VWC2: variants seen among roughly 807,000 people sequenced by gnomAD.
VWC2 encodes the protein von Willebrand factor C domain containing 2, also known as brorin.
In VWC2, 14 loss-of-function variants were observed where a neutral mutation model predicts 29.8. The observed-to-expected ratio is 0.47, with a 90% CI of 0.31 to 0.74. VWC2 has a LOEUF of 0.74. Among genes scored for constraint, VWC2 ranks in the 30% least tolerant of loss-of-function variants. The pLI is 0.05. For missense variants in VWC2, 457 were observed against 459.8 expected (o/e 0.99, Z 0.05); for synonymous variants, 213 against 199.0 (o/e 1.07, Z -0.59).
chr7:49,839,858 G>T lies in VWC2; in HGVS notation c.826+37018G>T, dbSNP rs182151510. On this transcript the variant is annotated intron_variant, in intron 3 of 3. Coordinates refer to ENST00000340652, the MANE Select transcript of VWC2 (RefSeq NM_198570.5). ...ACGTCCCATGTCTCTAGAGCCTAAA[G>T]TTAGAAGCATTCAAAGAAGATCTGG... Among the ~76,000 whole-genome samples the T allele has an allele frequency of 2.5e-3, 379 of 152,364 alleles. 1 individual carries two copies. Among genetic ancestry groups the T allele is most frequent in the Middle Eastern group, 6.8e-3 (2 of 294 alleles).
intron 3 of VWC2, among the ~76,000 whole-genome samples, chr7:49,806,118 A>G (rs1380266730): frequency 6.6e-6 from 1 of 150,918 alleles, no homozygotes; most frequent in Non-Finnish European, 1.5e-5. Flanking sequence ...AATGATACAA[A>G]CAGTGAGTGT....
In VWC2 at chr7:49,854,979, T is replaced by A. The variant is rs143359908; in HGVS notation, c.826+52139T>A. ...ACAAATATGGCTTTTGTCATAAGAG[T>A]AGTGCCAAGCTTCCTGAAAATGCAA... On this transcript the variant is annotated intron_variant, in intron 3 of 3. Transcript: ENST00000340652. Among the ~76,000 whole-genome samples the A allele has an allele frequency of 5.5e-3, 830 of 152,210 alleles. 6 individuals are homozygous for A. Among genetic ancestry groups the A allele is most frequent in the African/African-American group, 0.018 (763 of 41,538 alleles).
chr7:49,845,381 G>A (rs987150713), intron 3 of VWC2, among the ~76,000 whole-genome samples: 8 of 152,082 alleles, frequency 5.3e-5, no homozygotes, highest in African/African-American at 1.9e-4. Context: ...TAGAAACTTA[G>A]ATTTTCACAC....
At chr7:49,836,821 A>T (rs1789677913) in intron 3 of VWC2, among the ~76,000 whole-genome samples, 2 of 152,162 alleles carry the variant, frequency 1.3e-5, no homozygotes, top group Admixed American at 1.3e-4. Context: ...TTGTAGATAT[A>T]TGTAGATTGG....
At chr7:49,855,240 C>A (rs965670853) in intron 3 of VWC2, among the ~76,000 whole-genome samples, 2 of 152,152 alleles carry the variant, frequency 1.3e-5, no homozygotes, top group African/African-American at 4.8e-5. Flanking sequence ...ATATGTTTTA[C>A]AATAAATGGT....
intron 3 of VWC2, among the ~76,000 whole-genome samples, chr7:49,826,039 A>T (rs1280475798): frequency 6.6e-6 from 1 of 152,194 alleles, no homozygotes; most frequent in African/African-American, 2.4e-5. Flanking sequence ...CTCCAGTAGA[A>T]AGAAAGGGTT....
intron 2 of VWC2, among the ~76,000 whole-genome samples, chr7:49,788,680 T>C (rs1428201585): frequency 8.7e-6 from 1 of 114,762 alleles, no homozygotes; most frequent in Admixed American, 9.0e-5. Context: ...TCTGTGAGTG[T>C]GGGTGTGTGA....
intron 3 of VWC2, among the ~76,000 whole-genome samples, chr7:49,881,391 T>C (rs1029791866): frequency 7.2e-5 from 11 of 152,198 alleles, no homozygotes; most frequent in African/African-American, 2.2e-4. Context: ...TTTGTGGTCA[T>C]AGGGGAGTCT....
At chr7:49,880,770 A>G (rs1012378611) in intron 3 of VWC2, among the ~76,000 whole-genome samples, 2 of 152,080 alleles carry the variant, frequency 1.3e-5, no homozygotes, top group African/African-American at 4.8e-5. Flanking sequence ...AACATGGCAC[A>G]TGTATACATA....
At position 49,871,696 on chromosome 7, in the gene VWC2, G is replaced by A. The variant is rs568095889; in HGVS notation, c.827-40338G>A. Among the ~76,000 whole-genome samples the A allele has an allele frequency of 4.6e-5, 7 of 152,168 alleles. No homozygotes were observed. The South Asian group carries it at 1.5e-3, about 32-fold the overall frequency. ...GATGATACTGTTGTTCTGTGCAAAT[G>A]TTGGGCAGGGGATTTAGATCAGGTA... On this transcript the variant is annotated intron_variant, in intron 3 of 3. Coordinates refer to ENST00000340652, the MANE Select transcript of VWC2 (RefSeq NM_198570.5).
At chr7:49,831,081 T>G (rs1789515237) in intron 3 of VWC2, among the ~76,000 whole-genome samples, 1 of 152,190 alleles carries the variant, frequency 6.6e-6, no homozygotes, top group Admixed American at 6.5e-5. Context: ...CGTGCTTGTC[T>G]GCATCTAAGG....
At position 49,802,594 on chromosome 7, in the gene VWC2, C is replaced by T. The variant is rs948277941; in HGVS notation, c.697-117C>T. The T allele has an allele frequency of 4.0e-5, 55 of 1,385,616 alleles. No homozygotes were observed. In the Admixed American group the frequency reaches 5.5e-4, roughly 14 times the overall value. The allele number at this position is 1,385,616 out of a possible 1,614,324, so 85.8% of individuals were successfully genotyped here. A position where few individuals can be genotyped will look rare whatever the true frequency, so the allele number is the denominator to read the frequency against. On this transcript the variant is annotated intron_variant, in intron 2 of 3. Coordinates refer to ENST00000340652, the MANE Select transcript of VWC2 (RefSeq NM_198570.5). Reference sequence around the variant, plus strand: ...CAGAGGTTGCGGTGAGCCGAGATCGCACCACTGCACTCCAGTGTGAGCGAC... The same window carrying T: ...CAGAGGTTGCGGTGAGCCGAGATCGTACCACTGCACTCCAGTGTGAGCGAC...
chr7:49,805,780 T>C (rs950990171), intron 3 of VWC2, among the ~76,000 whole-genome samples: 2 of 152,192 alleles, frequency 1.3e-5, no homozygotes, highest in South Asian at 4.1e-4. Flanking sequence ...GATAGACTTA[T>C]CTTGGATGAA....
intron 3 of VWC2, among the ~76,000 whole-genome samples, chr7:49,841,367 G>C (rs1052954862): frequency 4.6e-5 from 7 of 151,320 alleles, no homozygotes; most frequent in African/African-American, 1.7e-4. Flanking sequence ...AGAACAGTCA[G>C]CTCAAAGTAC....
At chr7:49,832,035 T>A (rs1583657673) in intron 3 of VWC2, among the ~76,000 whole-genome samples, 3 of 152,018 alleles carry the variant, frequency 2.0e-5, no homozygotes, top group South Asian at 4.1e-4. Context: ...GGCTGAGGGG[T>A]CCCTGGAGGA....
At chr7:49,891,687 T>C (rs539930) in intron 3 of VWC2, among the ~76,000 whole-genome samples, 116,937 of 151,966 alleles carry the variant, frequency 0.77, 45,194 homozygotes, top group East Asian at 0.89. Flanking sequence ...TCTGATGTAA[T>C]CACTTTGGGA....
intron 3 of VWC2, among the ~76,000 whole-genome samples, chr7:49,881,747 A>G (rs575810807): frequency 8.5e-5 from 13 of 152,252 alleles, no homozygotes; most frequent in African/African-American, 3.1e-4. Context: ...TAGGCAATTC[A>G]TCTCTTTAAT....
Position 49,777,565 on chromosome 7 carries a change from A to G in VWC2, c.696+1434A>G, listed in dbSNP as rs140421249. Among the ~76,000 whole-genome samples the G allele has an allele frequency of 8.5e-5, 13 of 152,294 alleles. 1 individual carries two copies. The East Asian group carries it at 2.1e-3, about 25-fold the overall frequency. ...GGGCCAGCTTTCCCTAGGCTCATGT[A>G]GCAAAATATAACTCCAGGCATACAT... On this transcript the variant is annotated intron_variant, in intron 2 of 3. Coordinates refer to ENST00000340652, the MANE Select transcript of VWC2 (RefSeq NM_198570.5).
chr7:49,839,729 T>C (rs1471298673), intron 3 of VWC2, among the ~76,000 whole-genome samples: 1 of 152,118 alleles, frequency 6.6e-6, no homozygotes, highest in Non-Finnish European at 1.5e-5. Context: ...TATTTGAAAA[T>C]GGCCAGAGAG....
Sources: gnomAD v4.1 joint callset for allele counts (sites outside exome capture counted in the v4.1 genomes callset) on GRCh38, gnomAD v4.1.1 for gene constraint, MANE v1.5 for transcripts, NCBI Gene and HGNC (gene_info 2026-07-23, HGNC 2026-07-21) for gene names.